Variants in FAT4 observed in about 807,000 individuals in gnomAD.
FAT4 encodes FAT atypical cadherin 4, also known as protocadherin Fat 4.
Under a neutral mutation model 303.9 loss-of-function variants are expected in FAT4, and 84 were observed. The observed-to-expected ratio is 0.28, with a 90% CI of 0.23 to 0.33. The LOEUF (loss-of-function observed/expected upper bound fraction) is 0.33, where lower values mean the gene tolerates loss of function less well. Ranked by LOEUF, FAT4 falls within the 10% of genes least tolerant of loss-of-function variation. The probability of loss-of-function intolerance (pLI) is 1.00; values close to 1 mark genes in which losing one functional copy is unlikely to be tolerated. For missense variants in FAT4, 6,005 were observed against 6,146.8 expected, an observed-to-expected ratio of 0.98 and a Z score of 0.77; for synonymous variants, 2,307 against 2,298.8, an observed-to-expected ratio of 1.00 and a Z score of -0.10.
rs1324292299 is a variant in FAT4, at chr4:125,316,437, C to T, written c.26C>T (p.Thr9Ile). 1.2e-6 allele frequency: 2 copies of T among 1,612,822 alleles called. No homozygotes were observed. Among genetic ancestry groups the T allele is most frequent in the East Asian group, 4.5e-5 (2 of 44,826 alleles). MDLAPDRATGRPWLPLHTL... is the reference protein window; with the variant it reads MDLAPDRAIGRPWLPLHTL... Reference sequence around the variant, plus strand: ...ATGGACTTAGCACCAGACAGGGCTACTGGCCGCCCGTGGCTCCCGTTGCAC... The same window carrying T: ...ATGGACTTAGCACCAGACAGGGCTATTGGCCGCCCGTGGCTCCCGTTGCAC... The change falls in exon 2 of 18, where the codon ACT becomes ATT. Residue 9 changes from threonine (T) to isoleucine (I), a missense_variant. Coordinates refer to ENST00000394329, the MANE Select transcript of FAT4 (RefSeq NM_001291303.3). This position sits in a 1 kb window ranked among gnomAD's most constrained non-coding sequence, Gnocchi z 5.7.
rs574159792 is a variant in FAT4 at position 125,475,309 on chromosome 4, T to C, written c.12214-862T>C. Among the ~76,000 whole-genome samples the C allele has an allele frequency of 1.9e-3, 288 of 152,240 alleles. 1 individual carries two copies. The highest frequency in any genetic ancestry group is 3.1e-3 in the Non-Finnish European group (214 of 67,972). The stretch of plus-strand genomic sequence containing the variant: ...ATACAACTTTGGTCTTAGACTGCAC[T>C]GCAGCCATCCTCACTTGCTGGTACT... On this transcript the variant is annotated intron_variant, in intron 12 of 17. Transcript: ENST00000394329.
intron 11 of FAT4, among the ~76,000 whole-genome samples, chr4:125,464,670 T>C (rs1450357203): frequency 6.6e-6 from 1 of 152,058 alleles, no homozygotes; most frequent in Admixed American, 6.6e-5. Flanking sequence ...CCTCCCCCCT[T>C]CCCCACCCCA....
At chr4:125,398,738 C>A (rs748254366) in intron 2 of FAT4, 46 bp from the exon 3 acceptor site, 2 of 1,594,896 alleles carry the variant, frequency 1.3e-6, no homozygotes, top group South Asian at 1.1e-5. Context: ...TGGTATCTTG[C>A]AGACACGTGG....
At chr4:125,434,686 G>A (rs867045598) in intron 8 of FAT4, among the ~76,000 whole-genome samples, 26 of 152,026 alleles carry the variant, frequency 1.7e-4, no homozygotes, top group Middle Eastern at 6.8e-3. Flanking sequence ...GGACTACACT[G>A]GGTGCTTCTG....
chr4:125,328,034 A>G lies in FAT4; in HGVS notation c.5175+6448A>G, dbSNP rs189923232. Reference sequence around the variant, plus strand: ...TATAAAACCCATAAAAGTAGGTGGTATTCCGAATTAGGCACTCGTGAGTGG... The same window carrying G: ...TATAAAACCCATAAAAGTAGGTGGTGTTCCGAATTAGGCACTCGTGAGTGG... On this transcript the variant is annotated intron_variant, in intron 2 of 17. Coordinates refer to ENST00000394329, the MANE Select transcript of FAT4 (RefSeq NM_001291303.3). Among the ~76,000 whole-genome samples the G allele has an allele frequency of 4.6e-3, 701 of 152,340 alleles. 11 individuals are homozygous for G. Among genetic ancestry groups the G allele is most frequent in the Admixed American group, 3.5e-3 (53 of 15,302 alleles).
chr4:125,479,675 T>A, intron 14 of FAT4, 66 bp from the exon 15 acceptor site: 1 of 1,408,890 alleles, frequency 7.1e-7, no homozygotes, highest in Non-Finnish European at 9.5e-7. Context: ...AAAGTGTATA[T>A]TGAGTTTTAG....
Position 125,468,746 on chromosome 4 carries a change from C to A in FAT4, c.12140C>A (p.Thr4047Lys). 6.2e-7 allele frequency: 1 copy of A among 1,614,110 alleles called. No individual in the cohort carries two copies. The highest frequency in any genetic ancestry group is 8.5e-7 in the Non-Finnish European group (1 of 1,180,000). Residue 4047 changes from threonine (T) to lysine (K), a missense_variant, in exon 12 of 18, where the codon ACA becomes AAA. Thr to Lys is a moderately conservative substitution (Grantham distance 78). Transcript: ENST00000394329. ...TTCTCTTATAATTTAGGCAGTGGTA[C>A]ATATAAGCTCACCACCATGAAGAAG... ...LRFSYNLGSG[T>K]YKLTTMKKVS...
chr4:125,433,535 T>G (rs1388814376), intron 7 of FAT4, among the ~76,000 whole-genome samples: 1 of 152,160 alleles, frequency 6.6e-6, no homozygotes, highest in African/African-American at 2.4e-5. Context: ...CTAGTACAGA[T>G]AGTGTGGCCC....
rs1443930156 is a variant in FAT4 at position 125,319,295 on chromosome 4, T to A, written c.2884T>A (p.Tyr962Asn). 6.2e-7 allele frequency: 1 copy of A among 1,614,038 alleles called. No individual in the cohort carries two copies. Among genetic ancestry groups the A allele is most frequent in the Non-Finnish European group, 8.5e-7 (1 of 1,180,028 alleles). The change falls in exon 2 of 18, where the codon TAC becomes AAC. Residue 962 changes from tyrosine (Y) to asparagine (N), a missense_variant. Physicochemically the swap from Tyr to Asn is moderately radical, Grantham distance 143. Transcript: ENST00000394329. ...GCCCCTGGATGTTCATGCTGGCTCCTACCAAATAGAGATCTTGGCATCTGA... is the reference window on the plus strand; with the variant it reads ...GCCCCTGGATGTTCATGCTGGCTCCAACCAAATAGAGATCTTGGCATCTGA... The part of the protein sequence containing the change: ...LGPLDVHAGS[Y>N]QIEILASDMG...
intron 2 of FAT4, among the ~76,000 whole-genome samples, chr4:125,360,320 C>T (rs1446539439): frequency 1.3e-5 from 2 of 152,102 alleles, no homozygotes; most frequent in African/African-American, 4.8e-5. Flanking sequence ...GTGACCTTAC[C>T]AAGTCAGTTA....
chr4:125,361,808 G>A (rs1464633632), intron 2 of FAT4, among the ~76,000 whole-genome samples: 1 of 152,010 alleles, frequency 6.6e-6, no homozygotes, highest in Non-Finnish European at 1.5e-5. Context: ...GTCTTCCTAC[G>A]TCAGTCATGA....
intron 2 of FAT4, among the ~76,000 whole-genome samples, chr4:125,383,045 A>G (rs1733599597): frequency 6.6e-6 from 1 of 152,092 alleles, no homozygotes; most frequent in African/African-American, 2.4e-5. Context: ...TGTTGTGGTT[A>G]GTTTTCTTCG....
At chr4:125,458,633 G>A (rs6831169) in intron 10 of FAT4, among the ~76,000 whole-genome samples, 1 of 151,612 alleles carries the variant, frequency 6.6e-6, no homozygotes, top group South Asian at 2.1e-4. Context: ...CATTAATAAC[G>A]TATGTTTCTA....
intron 7 of FAT4, among the ~76,000 whole-genome samples, chr4:125,431,327 T>C (rs13141820): frequency 0.46 from 70,311 of 151,988 alleles, 16,487 homozygotes; most frequent in African/African-American, 0.51. Flanking sequence ...ATTTACTATG[T>C]CTTCCATAAA....
intron 3 of FAT4, 72 bp from the exon 4 acceptor site, chr4:125,406,808 T>C: frequency 6.6e-7 from 1 of 1,515,670 alleles, no homozygotes; most frequent in Non-Finnish European, 8.9e-7. Flanking sequence ...GTCAAATACA[T>C]GTTCAAAAGA....
In FAT4 at chr4:125,392,816, CT is replaced by C. The variant is rs1734023144; in HGVS notation, c.5176-5967del. On this transcript the variant is annotated intron_variant, in intron 2 of 17. Coordinates refer to ENST00000394329, the MANE Select transcript of FAT4 (RefSeq NM_001291303.3). ...TGCATATTTTTTATGAAAGATCATT[CT>C]CTCTGTGCAAAGATCAGAGACATTG... Among the ~76,000 whole-genome samples, 3 of 152,092 alleles carry C rather than the reference CT, an allele frequency of 2.0e-5. No homozygotes were observed. The South Asian group carries it at 6.2e-4, about 31-fold the overall frequency.
At chr4:125,378,570 A>T (rs1733421885) in intron 2 of FAT4, among the ~76,000 whole-genome samples, 1 of 152,150 alleles carries the variant, frequency 6.6e-6, no homozygotes, top group South Asian at 2.1e-4. Flanking sequence ...CTCAAATTAT[A>T]TCCCAAAATG....
At chr4:125,369,579 G>C in intron 2 of FAT4, among the ~76,000 whole-genome samples, 1 of 152,154 alleles carries the variant, frequency 6.6e-6, no homozygotes. Context: ...GCTAAAGTCT[G>C]GCCTTGCCAT....
chr4:125,390,183 C>T (rs775008611), intron 2 of FAT4, among the ~76,000 whole-genome samples: 29 of 152,016 alleles, frequency 1.9e-4, no homozygotes, highest in Admixed American at 1.8e-3. Flanking sequence ...TACAATTAGG[C>T]GTTGAATTTT....
Sources: allele counts gnomAD v4.1 joint callset (sites outside exome capture counted in the v4.1 genomes callset), GRCh38; gene constraint gnomAD v4.1.1; non-coding constraint Gnocchi (gnomAD v3.1); transcripts MANE v1.5; gene names NCBI Gene and HGNC (gene_info 2026-07-23, HGNC 2026-07-21).